GCSAML: variants seen among roughly 807,000 people sequenced by gnomAD.
The protein encoded by GCSAML is germinal center-associated signaling and motility-like protein.
In GCSAML, 9 loss-of-function variants were observed where a neutral mutation model predicts 13.0. The ratio of observed to expected loss-of-function variants is 0.69; its 90% CI spans 0.42 to 1.21. The LOEUF (loss-of-function observed/expected upper bound fraction) is 1.21, where lower values mean the gene tolerates loss of function less well. GCSAML is among the 50% of genes most tolerant of loss of function. The pLI is 0.00. For synonymous variants in GCSAML, 37 were observed against 52.9 expected, an observed-to-expected ratio of 0.70 and a Z score of 1.31; for missense variants, 143 against 153.4, an observed-to-expected ratio of 0.93 and a Z score of 0.36.
chr1:247,518,149 C>T (rs1392514056), intron 1 of GCSAML, among the ~76,000 whole-genome samples: 3 of 152,210 alleles, frequency 2.0e-5, no homozygotes, highest in African/African-American at 7.2e-5. Flanking sequence ...GTGCGGCCCT[C>T]TGAGGCCTCT....
intron 2 of GCSAML, among the ~76,000 whole-genome samples, chr1:247,558,410 G>T (rs562611511): frequency 6.6e-6 from 1 of 152,258 alleles, no homozygotes; most frequent in African/African-American, 2.4e-5. Flanking sequence ...TAGGCTTATA[G>T]AGGTATAGTA....
Position 247,509,683 on chromosome 1 carries a change from C to T in GCSAML, c.-263+2450C>T, listed in dbSNP as rs186699187. On this transcript the variant is annotated intron_variant, in intron 1 of 5. Coordinates refer to the GCSAML transcript ENST00000366489. ...TATTTTGAGATGCATTCCATCAGTACCTAGTTTATTGAGAGTTTTTTGCAT... is the reference window on the plus strand; with the variant it reads ...TATTTTGAGATGCATTCCATCAGTATCTAGTTTATTGAGAGTTTTTTGCAT... Among the ~76,000 whole-genome samples, 11 of 152,112 alleles carry T rather than the reference C, an allele frequency of 7.2e-5. No homozygotes were observed. In the East Asian group the frequency reaches 1.9e-3, roughly 27 times the overall value.
chr1:247,529,066 G>T (rs1666799852), intron 2 of GCSAML: 1 of 152,178 alleles, frequency 6.6e-6, no homozygotes, highest in Non-Finnish European at 1.5e-5. Context: ...TCTCACCAAG[G>T]TTAGCATGTG....
chr1:247,508,571 C>T (rs1045851943), intron 1 of GCSAML, among the ~76,000 whole-genome samples: 2 of 152,112 alleles, frequency 1.3e-5, no homozygotes, highest in Non-Finnish European at 2.9e-5. Flanking sequence ...GTGTTTTAGT[C>T]ATGAAGTCTT....
intron 1 of GCSAML, among the ~76,000 whole-genome samples, chr1:247,522,407 G>A (rs2103315625): frequency 6.6e-6 from 1 of 152,218 alleles, no homozygotes; most frequent in Non-Finnish European, 1.5e-5. Flanking sequence ...CACCCCGTCT[G>A]GGAGGTGTAC....
At chr1:247,511,790 T>C (rs1401667058) in intron 1 of GCSAML, among the ~76,000 whole-genome samples, 5 of 152,200 alleles carry the variant, frequency 3.3e-5, no homozygotes, top group Non-Finnish European at 2.9e-5. Context: ...GGATATGAAA[T>C]TCTGGGTTGA....
chr1:247,559,695 C>T (rs1224815644), intron 2 of GCSAML, among the ~76,000 whole-genome samples: 1 of 152,150 alleles, frequency 6.6e-6, no homozygotes, highest in African/African-American at 2.4e-5. Flanking sequence ...TTTTCTTTCT[C>T]ACAATTGCGG....
At chr1:247,564,979 A>G (rs1394851260) in intron 3 of GCSAML, among the ~76,000 whole-genome samples, 2 of 152,260 alleles carry the variant, frequency 1.3e-5, no homozygotes, top group Non-Finnish European at 2.9e-5. Flanking sequence ...TGATCTAGAC[A>G]TCAAAAGCAA....
chr1:247,521,456 A>G (rs1020592098), intron 1 of GCSAML, among the ~76,000 whole-genome samples: 3 of 151,832 alleles, frequency 2.0e-5, no homozygotes, highest in African/African-American at 7.3e-5. Flanking sequence ...TACTGCCGCC[A>G]TCTTGGCTCA....
chr1:247,549,587 T>G (rs1667697222), intron 1 of GCSAML, among the ~76,000 whole-genome samples: 1 of 152,194 alleles, frequency 6.6e-6, no homozygotes. Flanking sequence ...TAGCAGTGCA[T>G]CTTGTATTTC....
chr1:247,545,226 C>G (rs1202716635), upstream of GCSAML, among the ~76,000 whole-genome samples: 2 of 152,226 alleles, frequency 1.3e-5, no homozygotes, highest in Non-Finnish European at 2.9e-5. Context: ...CAGGTATGCC[C>G]TGTTTCAGTG....
chr1:247,532,000 C>G, intron 2 of GCSAML: 1 of 1,614,134 alleles, frequency 6.2e-7, no homozygotes, highest in Non-Finnish European at 8.5e-7. Context: ...GCAATTGTTC[C>G]CACACAGCGG....
At chr1:247,531,966 C>T in intron 2 of GCSAML, 2 of 1,614,156 alleles carry the variant, frequency 1.2e-6, no homozygotes, top group Non-Finnish European at 8.5e-7. Flanking sequence ...TAATGAGGGG[C>T]ATCTCGCAAA....
intron 1 of GCSAML, chr1:247,525,752 T>C (rs1449934572): frequency 6.6e-6 from 1 of 152,198 alleles, no homozygotes; most frequent in Non-Finnish European, 1.5e-5. Context: ...CATCCCTTCT[T>C]CCCTCCATGG....
chr1:247,555,856 G>C (rs780374243), intron 1 of GCSAML, among the ~76,000 whole-genome samples: 7 of 152,192 alleles, frequency 4.6e-5, no homozygotes, highest in Non-Finnish European at 8.8e-5. Context: ...TTATCATAAA[G>C]ATGATGATAA....
At chr1:247,562,872 G>A (rs948080078) in intron 2 of GCSAML, among the ~76,000 whole-genome samples, 35 of 150,972 alleles carry the variant, frequency 2.3e-4, no homozygotes, top group African/African-American at 7.1e-4. Context: ...ATGGAGACTC[G>A]CTCTGTCACC....
At chr1:247,552,765 A>G (rs1308705673) in intron 1 of GCSAML, among the ~76,000 whole-genome samples, 1 of 152,132 alleles carries the variant, frequency 6.6e-6, no homozygotes, top group Non-Finnish European at 1.5e-5. Flanking sequence ...CTATATGTAT[A>G]TATATTTTGA....
chr1:247,543,774 G>T (rs773014683), intron 2 of GCSAML, among the ~76,000 whole-genome samples: 39 of 151,832 alleles, frequency 2.6e-4, no homozygotes, highest in Admixed American at 1.4e-3. Flanking sequence ...ATTTCTGCAG[G>T]TTAACCTCTA....
chr1:247,564,382 T>TAA (rs10701220), intron 3 of GCSAML, among the ~76,000 whole-genome samples: 5,014 of 130,778 alleles, frequency 0.038, 166 homozygotes, highest in African/African-American at 0.091. Flanking sequence ...GAGCCTGTCT[T>TAA]AAAAAAAAAA....
Sources: allele counts gnomAD v4.1 joint callset (sites outside exome capture counted in the v4.1 genomes callset), GRCh38; gene constraint gnomAD v4.1.1; transcripts MANE v1.5; gene names NCBI Gene and HGNC (gene_info 2026-07-23, HGNC 2026-07-21).